PPIP5K2: variants seen among roughly 807,000 people sequenced by gnomAD.
PPIP5K2 encodes inositol hexakisphosphate and diphosphoinositol-pentakisphosphate kinase 2.
Under a neutral mutation model 154.6 loss-of-function variants are expected in PPIP5K2, and 105 were observed. The observed-to-expected ratio is 0.68, with a 90% confidence interval of 0.58 to 0.80. The LOEUF (loss-of-function observed/expected upper bound fraction) is 0.80, where lower values mean the gene tolerates loss of function less well. PPIP5K2 is among the 30% of genes least tolerant of loss of function. The probability of loss-of-function intolerance (pLI) is 0.00; values close to 1 mark genes in which losing one functional copy is unlikely to be tolerated. For synonymous variants in PPIP5K2, 480 were observed against 490.3 expected, an observed-to-expected ratio of 0.98 and a Z score of 0.28; for missense variants, 992 against 1,504.6, an observed-to-expected ratio of 0.66 and a Z score of 5.64.
chr5:103,207,577 T>G lies in PPIP5K2; in HGVS notation c.*5943T>G, dbSNP rs576200408. The G allele has an allele frequency of 6.7e-6, 1 of 148,684 alleles. No homozygotes were observed. The highest frequency in any genetic ancestry group is 6.8e-5 in the Admixed American group (1 of 14,772). The allele number at this position is 148,684 out of a possible 1,614,324, so 9.2% of individuals were successfully genotyped here. On this transcript the variant is annotated 3_prime_UTR_variant, in exon 31 of 31. Transcript: ENST00000358359. ...TTGAATTATATTTAATTTTAAAGTCTATATATATATATATATAGATCCTAT... is the reference window on the plus strand; with the variant it reads ...TTGAATTATATTTAATTTTAAAGTCGATATATATATATATATAGATCCTAT...
In PPIP5K2 at chr5:103,201,701, C is replaced by T. The variant is rs1389434950; in HGVS notation, c.*67C>T. ...GTATGTTCTTATGTTTCTCCTTATG[C>T]ATTTATGTGTTCACTTAAAAATGTT... is the stretch of plus-strand genomic sequence containing the variant. On this transcript the variant is annotated 3_prime_UTR_variant, in exon 31 of 31. Transcript: ENST00000358359. 9.1e-7 allele frequency: 1 copy of T among 1,098,720 alleles called. No individual in the cohort carries two copies. Among genetic ancestry groups the T allele is most frequent in the Non-Finnish European group, 1.3e-6 (1 of 767,828 alleles). 68.1% of individuals were successfully genotyped at this position (1,098,720 alleles called of 1,614,324 possible).
chr5:103,159,172 TACAC>T lies in PPIP5K2; in HGVS notation c.1765_1768del (p.Thr589ProfsTer7). ...GGCTTTTAGCTTTGGAAGGAGAGCT[TACAC>T]CCATTCTTGTTCAAATGGTGAAAAG... On this transcript the variant is annotated frameshift_variant, in exon 17 of 31. Coordinates refer to ENST00000358359, the MANE Select transcript of PPIP5K2 (RefSeq NM_001276277.3). LOFTEE classifies it high-confidence loss of function. 6.2e-7 allele frequency: 1 copy of T among 1,604,900 alleles called. No homozygotes were observed. Among genetic ancestry groups the T allele is most frequent in the East Asian group, 2.2e-5 (1 of 44,602 alleles).
At chr5:103,181,755 A>C (rs1252659766) in intron 24 of PPIP5K2, among the ~76,000 whole-genome samples, 1 of 152,116 alleles carries the variant, frequency 6.6e-6, no homozygotes, top group Non-Finnish European at 1.5e-5. Context: ...AAACAATGAA[A>C]AGAATTGTGC....
chr5:103,206,226 T>C lies in PPIP5K2; in HGVS notation c.*4592T>C, dbSNP rs1436143678. 1 of 152,204 alleles carries C rather than the reference T, an allele frequency of 6.6e-6. No individual in the cohort carries two copies. The highest frequency in any genetic ancestry group is 2.4e-5 in the African/African-American group (1 of 41,454). 9.4% of individuals were successfully genotyped at this position (152,204 alleles called of 1,614,324 possible). ...GCCATATTGTCATCAAAAGCCCAAG[T>C]GACCTCCCTTGTCACCTCTGGCATA... On this transcript the variant is annotated 3_prime_UTR_variant, in exon 31 of 31. Coordinates refer to ENST00000358359, the MANE Select transcript of PPIP5K2 (RefSeq NM_001276277.3).
At chr5:103,131,374 G>A (rs891257431) in intron 2 of PPIP5K2, among the ~76,000 whole-genome samples, 1 of 152,040 alleles carries the variant, frequency 6.6e-6, no homozygotes, top group Admixed American at 6.5e-5. Flanking sequence ...TTGTTATACT[G>A]TATCATTTAG....
At chr5:103,137,851 A>G (rs188724382) in intron 4 of PPIP5K2, among the ~76,000 whole-genome samples, 1 of 152,324 alleles carries the variant, frequency 6.6e-6, no homozygotes, top group East Asian at 1.9e-4. Context: ...CTATAGCTAT[A>G]GAAATGTATG....
chr5:103,191,284 C>T (rs1456386907), intron 29 of PPIP5K2, among the ~76,000 whole-genome samples: 5 of 151,972 alleles, frequency 3.3e-5, no homozygotes, highest in Admixed American at 6.6e-5. Context: ...CTAGAAATCT[C>T]ATATTCCTAT....
chr5:103,194,932 A>AG lies in PPIP5K2; in HGVS notation c.3527dup (p.Val1179SerfsTer23). The stretch of plus-strand genomic sequence containing the variant: ...AGCTTTACGTTCCAGTCCAATAATG[A>AG]GAAAAAAAGTATCTTTAAATACGTA... On this transcript the variant is annotated frameshift_variant, in exon 30 of 31. Coordinates refer to ENST00000358359, the MANE Select transcript of PPIP5K2 (RefSeq NM_001276277.3). LOFTEE classifies it high-confidence loss of function. The AG allele has an allele frequency of 6.2e-7, 1 of 1,613,324 alleles. No individual in the cohort carries two copies. The highest frequency in any genetic ancestry group is 8.5e-7 in the Non-Finnish European group (1 of 1,179,570).
At chr5:103,159,057 C>A in intron 16 of PPIP5K2, 89 bp from the exon 17 acceptor site, 1 of 916,622 alleles carries the variant, frequency 1.1e-6, no homozygotes, top group East Asian at 3.0e-5. Context: ...ATAAACTTAA[C>A]TTATACTTTA....
intron 1 of PPIP5K2, chr5:103,120,910 A>G (rs1788567540): frequency 6.2e-6 from 1 of 160,064 alleles, no homozygotes; most frequent in Non-Finnish European, 1.4e-5. Flanking sequence ...CCCCACACCC[A>G]CTTTAAAATA....
In PPIP5K2 at chr5:103,129,626, G is replaced by C. The variant is rs782223559; in HGVS notation, c.37G>C (p.Asp13His). The C allele has an allele frequency of 6.2e-7, 1 of 1,608,704 alleles. No homozygotes were observed. The highest frequency in any genetic ancestry group is 8.5e-7 in the Non-Finnish European group (1 of 1,178,474). ...CCCCAGATTCTTCGTTGGACCAGAA[G>C]ATACAGAAATAAATCCTGGAAATTA... ...EAPRFFVGPE[D>H]TEINPGNYRH... is the part of the protein sequence containing the mutation. Residue 13 changes from aspartate to histidine, a missense_variant, in exon 2 of 31, where the codon GAT becomes CAT. By Grantham distance (81) the Asp-to-His change is moderately conservative. This residue lies in a region of PPIP5K2 where 153 missense variants were observed against 200.4 expected (regional missense o/e 0.76). Coordinates refer to ENST00000358359, the MANE Select transcript of PPIP5K2 (RefSeq NM_001276277.3).
intron 3 of PPIP5K2, among the ~76,000 whole-genome samples, chr5:103,134,409 C>T (rs1432610013): frequency 6.6e-6 from 1 of 152,114 alleles, no homozygotes; most frequent in Non-Finnish European, 1.5e-5. Context: ...TAAATGTATT[C>T]ATATTTAATC....
intron 1 of PPIP5K2, among the ~76,000 whole-genome samples, chr5:103,125,228 A>G (rs1002166686): frequency 8.5e-5 from 13 of 152,212 alleles, no homozygotes; most frequent in African/African-American, 2.9e-4. Flanking sequence ...ATTTTGATTT[A>G]AGTGATGTGG....
chr5:103,200,750 G>A (rs1324156305), intron 30 of PPIP5K2, among the ~76,000 whole-genome samples: 2 of 151,784 alleles, frequency 1.3e-5, no homozygotes, highest in East Asian at 1.9e-4. Context: ...ATCTTCCTAC[G>A]TTGGCCTCCT....
Position 103,148,163 on chromosome 5 carries a change from G to A in PPIP5K2, c.744+131G>A, listed in dbSNP as rs115290230. The A allele has an allele frequency of 4.1e-4, 300 of 727,326 alleles. No homozygotes were observed. The African/African-American group carries it at 4.7e-3, about 11-fold the overall frequency. 45.1% of individuals were successfully genotyped at this position (727,326 alleles called of 1,614,324 possible). A position where few individuals can be genotyped will look rare whatever the true frequency, so the allele number is the denominator to read the frequency against. On this transcript the variant is annotated intron_variant, in intron 7 of 30. Transcript: ENST00000358359. Reference sequence around the variant, plus strand: ...TTCTTTTTGATTAGGGATTCCTCATGTTTTGTAACAACAACATCTTTAGCA... The same window carrying A: ...TTCTTTTTGATTAGGGATTCCTCATATTTTGTAACAACAACATCTTTAGCA...
At chr5:103,163,921 G>T (rs1796739849) in intron 17 of PPIP5K2, among the ~76,000 whole-genome samples, 1 of 151,622 alleles carries the variant, frequency 6.6e-6, no homozygotes, top group Non-Finnish European at 1.5e-5. Context: ...TTTTATTTTT[G>T]TTGTGTCTTA....
At chr5:103,149,681 G>C (rs567457048) in intron 8 of PPIP5K2, among the ~76,000 whole-genome samples, 114 of 151,532 alleles carry the variant, frequency 7.5e-4, no homozygotes, top group African/African-American at 2.8e-3. Context: ...CTATGTTCAT[G>C]AAAACAATAT....
At chr5:103,157,065 A>G (rs938251283) in intron 14 of PPIP5K2, among the ~76,000 whole-genome samples, 2 of 152,206 alleles carry the variant, frequency 1.3e-5, no homozygotes, top group African/African-American at 4.8e-5. Flanking sequence ...CTTTCTTTCC[A>G]TAAATTAATA....
Position 103,180,778 on chromosome 5 carries a change from A to C in PPIP5K2, c.2922+590A>C, listed in dbSNP as rs565297473. Among the ~76,000 whole-genome samples the C allele has an allele frequency of 3.3e-5, 5 of 151,138 alleles. No individual in the cohort carries two copies. The Admixed American group carries it at 3.3e-4, about 10-fold the overall frequency. On this transcript the variant is annotated intron_variant, in intron 24 of 30. Coordinates refer to ENST00000358359, the MANE Select transcript of PPIP5K2 (RefSeq NM_001276277.3). ...GGCAGGAGAATGACGTGAATCCAGG[A>C]GGCAGAGCTTGCAGTGAGCTAAGAT...
Sources: allele counts gnomAD v4.1 joint callset (sites outside exome capture counted in the v4.1 genomes callset), GRCh38; gene constraint gnomAD v4.1.1; regional missense constraint gnomAD v4.1.1; transcripts MANE v1.5; gene names NCBI Gene and HGNC (gene_info 2026-07-23, HGNC 2026-07-21).